The following ATP11A variants were observed in gnomAD, a reference collection of about 807,000 sequenced individuals.
The protein encoded by ATP11A is phospholipid-transporting ATPase IH.
In ATP11A, 81 loss-of-function variants were observed where a neutral mutation model predicts 154.4. The observed-to-expected ratio is 0.52, with a 90% CI of 0.44 to 0.63. The LOEUF is 0.63. Among genes scored for constraint, ATP11A ranks in the 30% least tolerant of loss-of-function variants. ATP11A has a pLI of 0.00. For synonymous variants in ATP11A, 623 were observed against 585.9 expected (o/e 1.06, Z -0.91); for missense variants, 1,316 against 1,474.3 (o/e 0.89, Z 1.76).
rs149137935 is a variant in ATP11A at position 112,884,939 on chromosome 13, C to T, written c.*3073C>T. 1 of 152,640 alleles carries T rather than the reference C, an allele frequency of 6.6e-6. No individual in the cohort carries two copies. The highest frequency in any genetic ancestry group is 2.4e-5 in the African/African-American group (1 of 41,576). 9.5% of individuals were successfully genotyped at this position (152,640 alleles called of 1,614,324 possible). A position where few individuals can be genotyped will look rare whatever the true frequency, so the allele number is the denominator to read the frequency against. ...GCGTGTTACCTGGCTTTTGGCTCCA[C>T]GCTCACTCATAGCCATGTCCACATG... On this transcript the variant is annotated 3_prime_UTR_variant, in exon 30 of 30. Coordinates refer to ENST00000375645, the MANE Select transcript of ATP11A (RefSeq NM_015205.3).
rs1172742651 is a variant in ATP11A at position 112,884,089 on chromosome 13, T to C, written c.*2223T>C. Reference sequence around the variant, plus strand: ...TGGCCACTTTACATTTAGATTCTGGTGAGAGTTTTGACTGAATGTTCCAAT... The same window carrying C: ...TGGCCACTTTACATTTAGATTCTGGCGAGAGTTTTGACTGAATGTTCCAAT... On this transcript the variant is annotated 3_prime_UTR_variant, in exon 30 of 30. Transcript: ENST00000375645. 1.3e-5 allele frequency: 2 copies of C among 152,506 alleles called. No individual in the cohort carries two copies. Among genetic ancestry groups the C allele is most frequent in the Non-Finnish European group, 2.9e-5 (2 of 68,040 alleles). The allele number at this position is 152,506 out of a possible 1,614,324, so 9.4% of individuals were successfully genotyped here.
chr13:112,803,681 C>T lies in ATP11A; in HGVS notation c.163-1276C>T, dbSNP rs1049568400. ...ATGCTGTGGTGGCTGGGCATTCTCC[C>T]TCCTTCCCCTCCCTCCCCTCCTTCT... On this transcript the variant is annotated intron_variant, in intron 2 of 29. Coordinates refer to ENST00000375645, the MANE Select transcript of ATP11A (RefSeq NM_015205.3). Among the ~76,000 whole-genome samples the T allele has an allele frequency of 6.1e-5, 9 of 147,910 alleles. No individual in the cohort carries two copies. The South Asian group carries it at 1.5e-3, about 25-fold the overall frequency.
At position 112,831,866 on chromosome 13, in the gene ATP11A, CTG is replaced by C. The variant is rs2079096043; in HGVS notation, c.1395+323_1395+324del. ...ACATGCACTCACACACGCCCAGATA[CTG>C]TGTGCACACACACACATGCAGACAC... On this transcript the variant is annotated intron_variant, in intron 13 of 29. Transcript: ENST00000375645. 2.0e-5 allele frequency among the ~76,000 whole-genome samples: 3 copies of C among 152,036 alleles called. No homozygotes were observed. In the South Asian group the frequency reaches 6.2e-4, roughly 32 times the overall value.
Position 112,881,370 on chromosome 13 carries a change from C to T in ATP11A, c.*10-506C>T, listed in dbSNP as rs537093727. The T allele has an allele frequency of 1.7e-4, 176 of 1,040,672 alleles. 2 individuals are homozygous for T. The highest frequency in any genetic ancestry group is 4.4e-4 in the East Asian group (5 of 11,362). The allele number at this position is 1,040,672 out of a possible 1,614,324, so 64.5% of individuals were successfully genotyped here. A position where few individuals can be genotyped will look rare whatever the true frequency, so the allele number is the denominator to read the frequency against. On this transcript the variant is annotated intron_variant, in intron 29 of 29. Transcript: ENST00000375645. ...CTGGGCACGTCCAGTACTAAATCAA[C>T]CCGGTCCCTGTGGGGTGGGGCCTGC...
intron 25 of ATP11A, among the ~76,000 whole-genome samples, chr13:112,866,442 GC>G (rs2080335874): frequency 6.6e-6 from 1 of 151,880 alleles, no homozygotes; most frequent in Admixed American, 6.6e-5. Flanking sequence ...ATTCATGGGA[GC>G]TTCCCTCGAT....
At chr13:112,873,217 GTGGTGTGAGGTGTGGCTTTGTCTCCTTAA>G (rs1566601506) in intron 26 of ATP11A, among the ~76,000 whole-genome samples, 8 of 107,848 alleles carry the variant, frequency 7.4e-5, no homozygotes, top group Admixed American at 2.6e-4. Flanking sequence ...GTCTTCCTGA[GTGGTGTGAGGTGTGGCTTTGTCTCCTTAA>G]TGGTGTGAGG....
At chr13:112,767,235 T>G (rs575730698) in intron 1 of ATP11A, among the ~76,000 whole-genome samples, 1 of 1,130 alleles carries the variant, frequency 8.8e-4, no homozygotes, top group Admixed American at 0.015. Flanking sequence ...GATGTGGGGG[T>G]GTTGGGGGCC....
rs925755731 is a variant in ATP11A at position 112,690,071 on chromosome 13, G to A, written c.-346G>A. Among the ~76,000 whole-genome samples the A allele has an allele frequency of 1.1e-4, 16 of 148,648 alleles. No homozygotes were observed. The highest frequency in any genetic ancestry group is 2.0e-4 in the Admixed American group (3 of 14,984). ...GCGGGCAGGGGAGGAGGAGACTCGG[G>A]AGGAGCAGAGCGCAGGCTCCGCCGC... On this transcript the variant is annotated 5_prime_UTR_variant, in exon 1 of 30. Coordinates refer to ENST00000375645, the MANE Select transcript of ATP11A (RefSeq NM_015205.3). The surrounding 1 kb of genome is among the most constrained non-coding windows in gnomAD (Gnocchi z 5.6).
chr13:112,857,348 T>C (rs2079960491), intron 20 of ATP11A, among the ~76,000 whole-genome samples: 1 of 152,216 alleles, frequency 6.6e-6, no homozygotes, highest in South Asian at 2.1e-4. Flanking sequence ...AAAATAGCAT[T>C]AGGAATAGTT....
intron 1 of ATP11A, among the ~76,000 whole-genome samples, chr13:112,719,128 TG>T (rs1256933824): frequency 1.3e-5 from 2 of 152,070 alleles, no homozygotes; most frequent in Non-Finnish European, 2.9e-5. Flanking sequence ...GGTGAACAGT[TG>T]GAGGGGCCCT....
chr13:112,881,159 C>A, intron 29 of ATP11A: 1 of 988,498 alleles, frequency 1.0e-6, no homozygotes, highest in Non-Finnish European at 1.2e-6. Context: ...GCCCCCTGGT[C>A]TAAAAGTGGG....
chr13:112,760,796 AAC>A (rs1476476028), intron 1 of ATP11A, among the ~76,000 whole-genome samples: 3 of 152,240 alleles, frequency 2.0e-5, no homozygotes, highest in Non-Finnish European at 2.9e-5. Context: ...TGAGATTTAA[AAC>A]ACAGTGGCCC....
At chr13:112,779,136 GT>G (rs2077430219) in intron 1 of ATP11A, among the ~76,000 whole-genome samples, 4 of 123,228 alleles carry the variant, frequency 3.2e-5, no homozygotes, top group Non-Finnish European at 6.7e-5. Context: ...AGCCGCTGGA[GT>G]GAGTAGCCGC....
At chr13:112,835,040 G>A (rs1303277690) in intron 15 of ATP11A, among the ~76,000 whole-genome samples, 1 of 152,258 alleles carries the variant, frequency 6.6e-6, no homozygotes, top group East Asian at 1.9e-4. Flanking sequence ...GCTGCCCCCG[G>A]TGTGGCCATG....
chr13:112,788,918 C>T (rs1233226839), intron 2 of ATP11A, among the ~76,000 whole-genome samples: 1 of 151,936 alleles, frequency 6.6e-6, no homozygotes, highest in Non-Finnish European at 1.5e-5. Flanking sequence ...ACCAGGAGTC[C>T]TGATATGTAG....
At chr13:112,765,553 G>T (rs568948378) in intron 1 of ATP11A, among the ~76,000 whole-genome samples, 1 of 152,228 alleles carries the variant, frequency 6.6e-6, no homozygotes, top group Non-Finnish European at 1.5e-5. Context: ...TACTGAAATT[G>T]CCTAAGTGAA....
intron 29 of ATP11A, 99 bp downstream of exon 29, chr13:112,878,402 C>T (rs887111782): frequency 5.0e-5 from 66 of 1,328,020 alleles, no homozygotes; most frequent in South Asian, 4.8e-4. Flanking sequence ...TCTGACGCAG[C>T]GTCCACCAGG....
Position 112,831,833 on chromosome 13 carries a change from A to G in ATP11A, c.1395+285A>G, listed in dbSNP as rs1307852962. Among the ~76,000 whole-genome samples, 3 of 152,224 alleles carry G rather than the reference A, an allele frequency of 2.0e-5. No homozygotes were observed. The South Asian group carries it at 6.2e-4, about 32-fold the overall frequency. ...CGGACACACATGCACACACGCTCAC[A>G]TGCAAACACATGCACTCACACACGC... On this transcript the variant is annotated intron_variant, in intron 13 of 29. Transcript: ENST00000375645.
chr13:112,728,182 A>G (rs539898366), intron 1 of ATP11A, among the ~76,000 whole-genome samples: 1 of 152,274 alleles, frequency 6.6e-6, no homozygotes, highest in East Asian at 1.9e-4. Context: ...TTAATTTACA[A>G]AGCCAGTCAC....
Sources: gnomAD v4.1 joint callset for allele counts (sites outside exome capture counted in the v4.1 genomes callset) on GRCh38, gnomAD v4.1.1 for gene constraint, Gnocchi (gnomAD v3.1) non-coding constraint, MANE v1.5 for transcripts, NCBI Gene and HGNC (gene_info 2026-07-23, HGNC 2026-07-21) for gene names.